The following CREBBP variants were observed in gnomAD, a reference collection of about 807,000 sequenced individuals.
CREBBP encodes CREB binding lysine acetyltransferase.
In CREBBP, 19 loss-of-function variants were observed where a neutral mutation model predicts 265.0. That is an observed-to-expected ratio of 0.07 (90% confidence interval 0.05 to 0.11). The LOEUF (loss-of-function observed/expected upper bound fraction) is 0.11. Ranked by LOEUF, CREBBP falls within the 10% of genes least tolerant of loss-of-function variation. The pLI is 1.00. For synonymous variants in CREBBP, 1,457 were observed against 1,223.7 expected, an observed-to-expected ratio of 1.19 and a Z score of -3.98; for missense variants, 2,525 against 3,219.0, an observed-to-expected ratio of 0.78 and a Z score of 5.22.
chr16:3,791,910 ACT>A, intron 5 of CREBBP, 69 bp downstream of exon 5: 1 of 1,315,600 alleles, frequency 7.6e-7, no homozygotes, highest in Non-Finnish European at 1.1e-6. Flanking sequence ...CTCCCTACCT[ACT>A]CTCTGAATTT....
intron 13 of CREBBP, among the ~76,000 whole-genome samples, chr16:3,773,092 G>C (rs1309133731): frequency 6.6e-6 from 1 of 151,364 alleles, no homozygotes; most frequent in East Asian, 1.9e-4. Context: ...TCTTAAAACA[G>C]ACAAACAAAC....
At chr16:3,835,576 CTTTTT>C (rs1021938849) in intron 2 of CREBBP, among the ~76,000 whole-genome samples, 2 of 117,448 alleles carry the variant, frequency 1.7e-5, no homozygotes, top group Non-Finnish European at 1.8e-5. Flanking sequence ...AAGATTTCTT[CTTTTT>C]TTTTTTTTTT....
intron 23 of CREBBP, chr16:3,742,433 T>C (rs2052239261): frequency 6.6e-6 from 1 of 152,240 alleles, no homozygotes; most frequent in Non-Finnish European, 1.5e-5. Context: ...TTGCTAAATC[T>C]AAAAATGAAC....
intron 1 of CREBBP, among the ~76,000 whole-genome samples, chr16:3,864,770 AT>A (rs1167402806): frequency 1.3e-5 from 2 of 152,266 alleles, no homozygotes; most frequent in Non-Finnish European, 2.9e-5. Context: ...GACTATGCTG[AT>A]AAAGAATATC....
intron 2 of CREBBP, among the ~76,000 whole-genome samples, chr16:3,822,528 G>A (rs1417410328): frequency 6.6e-6 from 1 of 152,182 alleles, no homozygotes; most frequent in African/African-American, 2.4e-5. Context: ...GGAGCAGGAA[G>A]AACAGCTCGT....
chr16:3,877,292 G>T (rs893950738), intron 1 of CREBBP, among the ~76,000 whole-genome samples: 7 of 152,304 alleles, frequency 4.6e-5, no homozygotes, highest in Admixed American at 3.3e-4. Context: ...TTCAGTTTTT[G>T]AATGTATTTA....
intron 2 of CREBBP, among the ~76,000 whole-genome samples, chr16:3,832,449 G>C (rs1306531722): frequency 6.6e-6 from 1 of 152,158 alleles, no homozygotes; most frequent in Non-Finnish European, 1.5e-5. Context: ...GACATCTTCT[G>C]AGAAAAGTGT....
chr16:3,740,141 G>A (rs1215634135), intron 24 of CREBBP, among the ~76,000 whole-genome samples: 1 of 152,162 alleles, frequency 6.6e-6, no homozygotes, highest in Admixed American at 6.5e-5. Context: ...ACAAGAATAA[G>A]TAATAATAAA....
chr16:3,814,704 G>C (rs1020079633), intron 2 of CREBBP, among the ~76,000 whole-genome samples: 1 of 151,928 alleles, frequency 6.6e-6, no homozygotes, highest in Admixed American at 6.6e-5. Context: ...ATTCTCACAA[G>C]GTAAAAAAGA....
intron 1 of CREBBP, among the ~76,000 whole-genome samples, chr16:3,875,506 C>T (rs1180391422): frequency 6.6e-6 from 1 of 152,136 alleles, no homozygotes; most frequent in Admixed American, 6.5e-5. Context: ...GGGGGACGCC[C>T]TAACCCAGGA....
intron 19 of CREBBP, among the ~76,000 whole-genome samples, chr16:3,754,484 T>C (rs1441753605): frequency 6.6e-6 from 1 of 152,184 alleles, no homozygotes; most frequent in Non-Finnish European, 1.5e-5. Flanking sequence ...GAATATGGAA[T>C]TGCAAAGGAG....
At chr16:3,745,488 G>A in intron 21 of CREBBP, 134 bp from the exon 22 acceptor site, 1 of 753,610 alleles carries the variant, frequency 1.3e-6, no homozygotes, top group South Asian at 1.5e-5. Context: ...TGCGTGTGTT[G>A]GCTGATTCAG....
chr16:3,790,145 C>T (rs1411273980), intron 5 of CREBBP, among the ~76,000 whole-genome samples: 1 of 152,022 alleles, frequency 6.6e-6, no homozygotes, highest in African/African-American at 2.4e-5. Flanking sequence ...CCCTAAAACA[C>T]AAGAAATTTA....
intron 2 of CREBBP, among the ~76,000 whole-genome samples, chr16:3,814,160 G>A (rs2141358073): frequency 7.4e-6 from 1 of 135,864 alleles, no homozygotes; most frequent in South Asian, 2.4e-4. Context: ...GGTCAATGTT[G>A]TTTAGTGTGT....
intron 1 of CREBBP, among the ~76,000 whole-genome samples, chr16:3,868,604 T>C (rs1279770005): frequency 6.6e-6 from 1 of 152,192 alleles, no homozygotes; most frequent in African/African-American, 2.4e-5. Flanking sequence ...TGATGTTATC[T>C]CGCCTTCAGA....
intron 3 of CREBBP, among the ~76,000 whole-genome samples, chr16:3,804,301 C>A (rs2053784852): frequency 6.6e-6 from 1 of 152,014 alleles, no homozygotes; most frequent in African/African-American, 2.4e-5. Flanking sequence ...CATATGTATT[C>A]TTCAAGAATA....
At chr16:3,784,867 C>G (rs2053351046) in intron 5 of CREBBP, among the ~76,000 whole-genome samples, 1 of 152,242 alleles carries the variant, frequency 6.6e-6, no homozygotes, top group Non-Finnish European at 1.5e-5. Context: ...CCCACGGAAG[C>G]TGCTGACACG....
intron 1 of CREBBP, 81 bp downstream of exon 1, chr16:3,879,751 G>A: frequency 3.5e-6 from 5 of 1,439,906 alleles, no homozygotes; most frequent in Non-Finnish European, 4.8e-6. Context: ...CGGTATCCGC[G>A]ACCACGACCC....
chr16:3,839,063 A>G (rs760617766), intron 2 of CREBBP, among the ~76,000 whole-genome samples: 1 of 152,250 alleles, frequency 6.6e-6, no homozygotes, highest in Non-Finnish European at 1.5e-5. Flanking sequence ...ATTCTGTAAG[A>G]TAGAGATTAT....
Sources: allele counts gnomAD v4.1 joint callset (sites outside exome capture counted in the v4.1 genomes callset), GRCh38; gene constraint gnomAD v4.1.1; transcripts MANE v1.5; gene names NCBI Gene and HGNC (gene_info 2026-07-23, HGNC 2026-07-21).